The following NBAS variants were observed in gnomAD, a reference collection of about 807,000 sequenced individuals.
NBAS encodes NAG/BC035112 fusion.
Under a neutral mutation model 302.5 loss-of-function variants are expected in NBAS, and 219 were observed. That is an observed-to-expected ratio of 0.72 (90% CI 0.65 to 0.81). The LOEUF is 0.81. Among genes scored for constraint, NBAS ranks in the 30% least tolerant of loss-of-function variants. NBAS has a pLI of 0.00. For synonymous variants in NBAS, 1,118 were observed against 1,021.6 expected (o/e 1.09, Z -1.80); for missense variants, 2,932 against 2,841.6 (o/e 1.03, Z -0.72).
At chr2:14,900,962 C>T in the NBAS span, among the ~76,000 whole-genome samples, 3 of 152,110 alleles carry the variant, frequency 2.0e-5, no homozygotes, top group Admixed American at 6.6e-5. Context: ...CATATGGCTA[C>T]GGGGGTAGTG....
chr2:15,488,952 A>C lies in NBAS; in HGVS notation c.1025T>G (p.Leu342Arg). 6.2e-7 allele frequency: 1 copy of C among 1,613,916 alleles called. No individual in the cohort carries two copies. Among genetic ancestry groups the C allele is most frequent in the African/African-American group, 1.3e-5 (1 of 75,036 alleles). The change falls in exon 12 of 52, where the codon CTG becomes CGG. Residue 342 changes from leucine (L) to arginine (R), a missense_variant. Physicochemically the swap from Leu to Arg is moderately radical, Grantham distance 102. Transcript: ENST00000281513. ...CAGAGATGGAATCGCCCAGATGCTC[A>C]GTTTCCCTGAGAAGTGAATGGCTGC... The part of the protein sequence containing the change: ...LLAAIHFSGK[L>R]SIWAIPSLKQ...
chr2:15,122,135 T>G, the NBAS span, among the ~76,000 whole-genome samples: 1 of 107,616 alleles, frequency 9.3e-6, no homozygotes, highest in South Asian at 2.5e-4. Context: ...CGTTAGCCTG[T>G]TTTTTTTTTT....
the NBAS span, among the ~76,000 whole-genome samples, chr2:15,024,539 C>G: frequency 1.3e-5 from 2 of 152,224 alleles, no homozygotes; most frequent in African/African-American, 4.8e-5. Flanking sequence ...TGAGGAATGG[C>G]CACATTGCTT....
intron 48 of NBAS, among the ~76,000 whole-genome samples, chr2:15,202,119 C>T (rs1665903341): frequency 6.6e-6 from 1 of 152,164 alleles, no homozygotes; most frequent in East Asian, 1.9e-4. Context: ...GCAAACACCC[C>T]TTGGGATGGG....
chr2:15,267,965 T>C (rs926138715), intron 44 of NBAS, among the ~76,000 whole-genome samples: 5 of 152,198 alleles, frequency 3.3e-5, no homozygotes, highest in African/African-American at 1.2e-4. Flanking sequence ...TCTAAAATCT[T>C]ATTATATGTG....
At chr2:14,874,496 C>T in the NBAS span, among the ~76,000 whole-genome samples, 28,184 of 149,438 alleles carry the variant, frequency 0.19, 4,118 homozygotes, top group African/African-American at 0.41. Context: ...AAAAATGAGC[C>T]GGGCATGGTG....
Position 15,355,185 on chromosome 2 carries a change from C to A in NBAS, c.3931+1118G>T, listed in dbSNP as rs893056227. Among the ~76,000 whole-genome samples, 7 of 152,210 alleles carry A rather than the reference C, an allele frequency of 4.6e-5. No individual in the cohort carries two copies. In the East Asian group the frequency reaches 1.4e-3, roughly 29 times the overall value. On this transcript the variant is annotated intron_variant, in intron 33 of 51. Transcript: ENST00000281513. Reference sequence around the variant, plus strand: ...CTCCATGAGTCACCATGAAGTGAAGCCCTGCATTTTAACCACTCCCTAATT... The same window carrying A: ...CTCCATGAGTCACCATGAAGTGAAGACCTGCATTTTAACCACTCCCTAATT...
At chr2:15,168,731 G>C (rs2125097794) in intron 51 of NBAS, among the ~76,000 whole-genome samples, 1 of 152,344 alleles carries the variant, frequency 6.6e-6, no homozygotes, top group South Asian at 2.1e-4. Context: ...TTGGGTTCAA[G>C]CGGTTCTCCT....
At chr2:15,313,475 C>T (rs183478257) in intron 38 of NBAS, among the ~76,000 whole-genome samples, 2 of 152,186 alleles carry the variant, frequency 1.3e-5, no homozygotes, top group African/African-American at 4.8e-5. Context: ...AAACAGAAGA[C>T]CCAAAATAAA....
At chr2:15,288,223 C>T (rs1472229687) in intron 41 of NBAS, among the ~76,000 whole-genome samples, 1 of 152,226 alleles carries the variant, frequency 6.6e-6, no homozygotes, top group Admixed American at 6.5e-5. Context: ...ATTGTGCTAG[C>T]TCCTTAGGAA....
the NBAS span, among the ~76,000 whole-genome samples, chr2:15,024,204 A>C: frequency 8.0e-6 from 1 of 125,702 alleles, no homozygotes; most frequent in South Asian, 2.8e-4. Context: ...GCTCCCACTT[A>C]TAAGTAAGAA....
At chr2:15,376,683 G>C (rs13398517) in intron 30 of NBAS, among the ~76,000 whole-genome samples, 9,673 of 152,096 alleles carry the variant, frequency 0.064, 952 homozygotes, top group African/African-American at 0.21. Flanking sequence ...GGGGGAAAAT[G>C]AATCTCTCCA....
chr2:15,325,227 A>T (rs1230095950), intron 38 of NBAS, among the ~76,000 whole-genome samples: 1 of 152,246 alleles, frequency 6.6e-6, no homozygotes, highest in Non-Finnish European at 1.5e-5. Context: ...CTACTGCAAT[A>T]AAGCAAATAT....
chr2:15,485,901 G>C (rs970197383), intron 12 of NBAS, among the ~76,000 whole-genome samples: 1 of 151,908 alleles, frequency 6.6e-6, no homozygotes, highest in South Asian at 2.1e-4. Flanking sequence ...ACAGCCTTAG[G>C]GTTTTAAAGG....
At chr2:14,864,268 CT>C in the NBAS span, among the ~76,000 whole-genome samples, 1 of 147,860 alleles carries the variant, frequency 6.8e-6, no homozygotes, top group Non-Finnish European at 1.5e-5. Flanking sequence ...TTGTAGTGAG[CT>C]GAGATTGCAT....
the NBAS span, among the ~76,000 whole-genome samples, chr2:15,093,692 C>T: frequency 6.6e-6 from 1 of 151,978 alleles, no homozygotes. Flanking sequence ...TTATGTCCAA[C>T]ACTGGTTAAA....
intron 48 of NBAS, among the ~76,000 whole-genome samples, chr2:15,205,576 C>A (rs1558435901): frequency 6.6e-6 from 1 of 152,060 alleles, no homozygotes; most frequent in African/African-American, 2.4e-5. Context: ...AAGAGATATT[C>A]CATGCCAATG....
At chr2:15,358,383 C>T (rs57287776) in intron 32 of NBAS, among the ~76,000 whole-genome samples, 1,911 of 151,840 alleles carry the variant, frequency 0.013, 34 homozygotes, top group African/African-American at 0.043. Flanking sequence ...GCTGCTTGGC[C>T]GTGTGTGTGT....
At chr2:15,389,212 C>G (rs1444109491) in intron 28 of NBAS, among the ~76,000 whole-genome samples, 1 of 152,192 alleles carries the variant, frequency 6.6e-6, no homozygotes. Context: ...ATGACCCCAG[C>G]AATACTGAGC....
Sources: allele counts gnomAD v4.1 joint callset (sites outside exome capture counted in the v4.1 genomes callset), GRCh38; gene constraint gnomAD v4.1.1; transcripts MANE v1.5; gene names NCBI Gene and HGNC (gene_info 2026-07-23, HGNC 2026-07-21).